Variants in GHR observed in about 807,000 individuals in gnomAD.
GHR encodes the protein GH receptor.
A neutral mutation model predicts 67.1 loss-of-function variants in GHR; 35 were observed. That is an observed-to-expected ratio of 0.52 (90% CI 0.40 to 0.69). The LOEUF is 0.69. GHR is among the 30% of genes least tolerant of loss of function. The pLI, the probability that GHR is intolerant of heterozygous loss-of-function variation, is 0.00. For synonymous variants in GHR, 272 were observed against 269.1 expected, an observed-to-expected ratio of 1.01 and a Z score of -0.10; for missense variants, 792 against 764.6, an observed-to-expected ratio of 1.04 and a Z score of -0.42.
chr5:42,551,574 A>G (rs143065031), intron 1 of GHR, among the ~76,000 whole-genome samples: 15 of 152,330 alleles, frequency 9.8e-5, no homozygotes, highest in Middle Eastern at 3.4e-3. Context: ...GACAAGTTAA[A>G]TGTGAGAAGG....
chr5:42,526,921 G>A (rs919111170), intron 1 of GHR, among the ~76,000 whole-genome samples: 2 of 152,170 alleles, frequency 1.3e-5, no homozygotes, highest in African/African-American at 2.4e-5. Flanking sequence ...GAGATTGGGG[G>A]CCTATATTCA....
Position 42,694,937 on chromosome 5 carries a change from A to G in GHR, c.287A>G (p.Gln96Arg). The change falls in exon 5 of 10, where the codon CAA (glutamine) becomes CGA (arginine). Residue 96 changes from glutamine (Q) to arginine (R), a missense_variant. Coordinates refer to ENST00000230882, the MANE Select transcript of GHR (RefSeq NM_000163.5). Reference sequence around the variant, plus strand: ...TTTAGGAACACTCAAGAATGGACTCAAGAATGGAAAGAATGCCCTGATTAT... The same window carrying G: ...TTTAGGAACACTCAAGAATGGACTCGAGAATGGAAAGAATGCCCTGATTAT... ...YTRRNTQEWT[Q>R]EWKECPDYVS... The G allele has an allele frequency of 6.2e-7, 1 of 1,609,868 alleles. No homozygotes were observed. Among genetic ancestry groups the G allele is most frequent in the African/African-American group, 1.3e-5 (1 of 75,008 alleles).
chr5:42,610,443 C>G (rs547171929), intron 2 of GHR, among the ~76,000 whole-genome samples: 1 of 152,130 alleles, frequency 6.6e-6, no homozygotes, highest in South Asian at 2.1e-4. Context: ...TAGTGGCTGA[C>G]TAGGTAAAAT....
intron 1 of GHR, among the ~76,000 whole-genome samples, chr5:42,474,628 A>T (rs2112119125): frequency 6.6e-6 from 1 of 152,010 alleles, no homozygotes; most frequent in South Asian, 2.1e-4. Flanking sequence ...CAACAACAAC[A>T]AAAAAAGGCA....
intron 4 of GHR, 64 bp downstream of exon 4, chr5:42,689,083 C>A: frequency 7.6e-7 from 1 of 1,316,526 alleles, no homozygotes; most frequent in Non-Finnish European, 1.1e-6. Flanking sequence ...TACACTGAGT[C>A]AGATGTACTG....
At chr5:42,425,828 T>G (rs1344198371) in intron 1 of GHR, among the ~76,000 whole-genome samples, 1 of 152,210 alleles carries the variant, frequency 6.6e-6, no homozygotes, top group Admixed American at 6.5e-5. Context: ...TTTTTTTTAT[T>G]GGAGTAAATA....
At chr5:42,600,972 G>T (rs1362186499) in intron 2 of GHR, among the ~76,000 whole-genome samples, 3 of 127,692 alleles carry the variant, frequency 2.3e-5, no homozygotes, top group Admixed American at 9.1e-5. Context: ...TGATGCCCAG[G>T]CTGGAGTGCG....
At chr5:42,454,959 C>T (rs1434064303) in intron 1 of GHR, among the ~76,000 whole-genome samples, 3 of 152,146 alleles carry the variant, frequency 2.0e-5, no homozygotes, top group Non-Finnish European at 4.4e-5. Flanking sequence ...TCACCTTGTG[C>T]CCCCTCCCTA....
chr5:42,605,357 C>T (rs1170657332), intron 2 of GHR, among the ~76,000 whole-genome samples: 1 of 151,970 alleles, frequency 6.6e-6, no homozygotes. Flanking sequence ...CCGTCTGCCT[C>T]GACCTCCCAA....
At chr5:42,535,876 T>G (rs558665779) in intron 1 of GHR, among the ~76,000 whole-genome samples, 5 of 152,252 alleles carry the variant, frequency 3.3e-5, no homozygotes, top group Non-Finnish European at 7.4e-5. Flanking sequence ...TTTCAACTCT[T>G]TTGTTAAGTA....
At chr5:42,441,250 G>A (rs536977902) in intron 1 of GHR, among the ~76,000 whole-genome samples, 1 of 152,272 alleles carries the variant, frequency 6.6e-6, no homozygotes, top group South Asian at 2.1e-4. Flanking sequence ...GCCAAGGAAA[G>A]AGAATCATTT....
chr5:42,515,428 T>C (rs1188447285), intron 1 of GHR, among the ~76,000 whole-genome samples: 1 of 152,204 alleles, frequency 6.6e-6, no homozygotes. Flanking sequence ...ATTTTCTTTT[T>C]CCACAGATGG....
chr5:42,498,657 A>AGGCAAAC (rs1339746085), intron 1 of GHR, among the ~76,000 whole-genome samples: 2 of 152,350 alleles, frequency 1.3e-5, no homozygotes, highest in East Asian at 3.9e-4. Context: ...AAAAGGCAAA[A>AGGCAAAC]GGCAAACGGA....
chr5:42,444,807 G>A (rs777726391), intron 1 of GHR, among the ~76,000 whole-genome samples: 2 of 151,972 alleles, frequency 1.3e-5, no homozygotes, highest in African/African-American at 2.4e-5. Flanking sequence ...ATGCCACAAC[G>A]TCAAATGCCA....
At chr5:42,471,599 A>G (rs943952637) in intron 1 of GHR, among the ~76,000 whole-genome samples, 4 of 152,212 alleles carry the variant, frequency 2.6e-5, no homozygotes, top group African/African-American at 9.7e-5. Context: ...TGCTAGCTAT[A>G]TAATCTTTAT....
chr5:42,615,747 A>G (rs1252295291), intron 2 of GHR, among the ~76,000 whole-genome samples: 1 of 152,026 alleles, frequency 6.6e-6, no homozygotes, highest in Non-Finnish European at 1.5e-5. Context: ...AAAACAAAAA[A>G]AAAAAAACAT....
chr5:42,546,221 C>A (rs1748725198), intron 1 of GHR, among the ~76,000 whole-genome samples: 1 of 152,184 alleles, frequency 6.6e-6, no homozygotes, highest in Admixed American at 6.5e-5. Flanking sequence ...GTGAAAAAAT[C>A]TTTCTCTTTC....
At chr5:42,572,696 G>C (rs2112506570) in intron 2 of GHR, among the ~76,000 whole-genome samples, 1 of 152,226 alleles carries the variant, frequency 6.6e-6, no homozygotes, top group African/African-American at 2.4e-5. Context: ...CTCTGTTTCT[G>C]TTTATATAAC....
At chr5:42,669,032 G>A (rs914535787) in intron 3 of GHR, among the ~76,000 whole-genome samples, 4 of 152,104 alleles carry the variant, frequency 2.6e-5, no homozygotes, top group African/African-American at 9.7e-5. Context: ...AATACATAGA[G>A]CAAAAATCAT....
Sources: allele counts gnomAD v4.1 joint callset (sites outside exome capture counted in the v4.1 genomes callset), GRCh38; gene constraint gnomAD v4.1.1; transcripts MANE v1.5; gene names NCBI Gene and HGNC (gene_info 2026-07-23, HGNC 2026-07-21).